The following RNLS variants were observed in gnomAD, a reference collection of about 807,000 sequenced individuals.
The protein encoded by RNLS is renalase.
Under a neutral mutation model 39.8 loss-of-function variants are expected in RNLS, and 39 were observed. The ratio of observed to expected loss-of-function variants is 0.98; its 90% CI spans 0.76 to 1.28. The LOEUF (loss-of-function observed/expected upper bound fraction) is 1.28. Among genes scored for constraint, RNLS ranks in the 50% most tolerant of loss-of-function variants. The pLI is 0.00. For missense variants in RNLS, 410 were observed against 413.3 expected (o/e 0.99, Z 0.07); for synonymous variants, 147 against 150.7 (o/e 0.98, Z 0.18).
At chr10:88,505,072 C>A (rs1167506900) in intron 4 of RNLS, among the ~76,000 whole-genome samples, 1 of 151,834 alleles carries the variant, frequency 6.6e-6, no homozygotes, top group Admixed American at 6.6e-5. Context: ...CAAATAGCAA[C>A]AAGAACCCCA....
At chr10:88,473,546 G>A (rs1055547141) in intron 4 of RNLS, among the ~76,000 whole-genome samples, 1 of 152,162 alleles carries the variant, frequency 6.6e-6, no homozygotes, top group Non-Finnish European at 1.5e-5. Flanking sequence ...CTATGATTAT[G>A]AAAAGCACAG....
intron 5 of RNLS, among the ~76,000 whole-genome samples, chr10:88,349,064 C>G (rs980598881): frequency 2.0e-5 from 3 of 152,064 alleles, no homozygotes; most frequent in Non-Finnish European, 4.4e-5. Flanking sequence ...GTCCTCAGTT[C>G]TTAGCACAAT....
intron 5 of RNLS, among the ~76,000 whole-genome samples, chr10:88,339,807 G>C (rs990863380): frequency 1.3e-5 from 2 of 152,024 alleles, no homozygotes; most frequent in African/African-American, 4.8e-5. Context: ...TCTGCTAAAG[G>C]ATGAGACACA....
intron 4 of RNLS, among the ~76,000 whole-genome samples, chr10:88,523,194 C>G (rs1846864598): frequency 6.6e-6 from 1 of 152,022 alleles, no homozygotes; most frequent in Non-Finnish European, 1.5e-5. Flanking sequence ...TCTCAAGATT[C>G]CTTAAAGGGA....
At chr10:88,298,414 G>A (rs1313907953) in intron 6 of RNLS, among the ~76,000 whole-genome samples, 1 of 152,062 alleles carries the variant, frequency 6.6e-6, no homozygotes, top group Non-Finnish European at 1.5e-5. Context: ...TGCCAAATCC[G>A]AGGTTATGAA....
chr10:88,291,023 C>T (rs1319932032), intron 6 of RNLS, among the ~76,000 whole-genome samples: 1 of 152,150 alleles, frequency 6.6e-6, no homozygotes, highest in Non-Finnish European at 1.5e-5. Context: ...TCCAAGAGCA[C>T]CAGAAATAAC....
intron 6 of RNLS, among the ~76,000 whole-genome samples, chr10:88,286,596 C>G (rs1045929908): frequency 3.3e-4 from 50 of 151,902 alleles, no homozygotes; most frequent in African/African-American, 1.2e-3. Context: ...TCAGGGGGCT[C>G]CATTCACCTG....
At chr10:88,502,339 C>A (rs947991672) in intron 4 of RNLS, among the ~76,000 whole-genome samples, 1 of 11,304 alleles carries the variant, frequency 8.8e-5, no homozygotes, top group Non-Finnish European at 1.9e-4. Context: ...GGCGGGGGGG[C>A]GGGGTGGGGA....
chr10:88,315,761 A>G (rs1845716710), intron 5 of RNLS, among the ~76,000 whole-genome samples: 1 of 149,970 alleles, frequency 6.7e-6, no homozygotes, highest in Non-Finnish European at 1.5e-5. Context: ...TTTAATGAGA[A>G]TAAGTTAGTA....
chr10:88,378,370 C>T (rs1661749701), intron 4 of RNLS, among the ~76,000 whole-genome samples: 1 of 152,158 alleles, frequency 6.6e-6, no homozygotes, highest in East Asian at 1.9e-4. Flanking sequence ...TTAAGGCTGG[C>T]CATTGAAACT....
chr10:88,422,167 T>A (rs1854448317), intron 4 of RNLS, among the ~76,000 whole-genome samples: 1 of 152,218 alleles, frequency 6.6e-6, no homozygotes, highest in East Asian at 1.9e-4. Context: ...AAACATTAAA[T>A]GATAGCTCCA....
At chr10:88,195,229 G>A in the RNLS span, among the ~76,000 whole-genome samples, 3 of 152,212 alleles carry the variant, frequency 2.0e-5, no homozygotes, top group African/African-American at 7.2e-5. Flanking sequence ...TTTGGCAAAA[G>A]AATAGGATAA....
Position 88,557,184 on chromosome 10 carries a change from T to G in RNLS, c.526+15719A>C, listed in dbSNP as rs74527801. Among the ~76,000 whole-genome samples, 3 of 152,178 alleles carry G rather than the reference T, an allele frequency of 2.0e-5. No individual in the cohort carries two copies. The East Asian group carries it at 5.8e-4, about 29-fold the overall frequency. On this transcript the variant is annotated intron_variant, in intron 4 of 6. Transcript: ENST00000331772. ...GCATTTGGCAAGTAAAATTATAAGA[T>G]GCAAAAAGTATCTAAAAAGTCACAG...
At chr10:88,328,181 T>C (rs1846780384) in intron 5 of RNLS, among the ~76,000 whole-genome samples, 1 of 152,244 alleles carries the variant, frequency 6.6e-6, no homozygotes, top group South Asian at 2.1e-4. Context: ...GTGCTGGGAT[T>C]ATAGGCAGAA....
chr10:88,200,267 G>C, the RNLS span, among the ~76,000 whole-genome samples: 1 of 152,238 alleles, frequency 6.6e-6, no homozygotes, highest in Non-Finnish European at 1.5e-5. Context: ...AATCCATGAT[G>C]TGGTAAAGGT....
At chr10:88,268,963 G>A (rs1010016326), downstream of RNLS, among the ~76,000 whole-genome samples, 5 of 152,198 alleles carry the variant, frequency 3.3e-5, no homozygotes, top group African/African-American at 9.6e-5. Context: ...CAGGCCACAC[G>A]GACTGAGGGT....
chr10:88,475,657 CCTCTACACT>C (rs1843775390), intron 4 of RNLS, among the ~76,000 whole-genome samples: 1 of 152,074 alleles, frequency 6.6e-6, no homozygotes, highest in Non-Finnish European at 1.5e-5. Context: ...GCAGCTGTTC[CCTCTACACT>C]CTCTGTGAGG....
intron 4 of RNLS, among the ~76,000 whole-genome samples, chr10:88,403,444 T>C (rs1824692026): frequency 6.6e-6 from 1 of 152,050 alleles, no homozygotes; most frequent in Non-Finnish European, 1.5e-5. Context: ...AGTACCTTTA[T>C]CTTGGAGAAA....
chr10:88,456,437 A>G (rs1282173070), intron 4 of RNLS, among the ~76,000 whole-genome samples: 1 of 152,090 alleles, frequency 6.6e-6, no homozygotes, highest in Non-Finnish European at 1.5e-5. Context: ...GTATGAGAAA[A>G]TGTTAGAAAT....
Sources: gnomAD v4.1 joint callset for allele counts (sites outside exome capture counted in the v4.1 genomes callset) on GRCh38, gnomAD v4.1.1 for gene constraint, MANE v1.5 for transcripts, NCBI Gene and HGNC (gene_info 2026-07-23, HGNC 2026-07-21) for gene names.